The following TMEM223 variants were observed in gnomAD, a reference collection of about 807,000 sequenced individuals.
TMEM223 encodes the protein transmembrane protein 223.
A neutral mutation model predicts 14.1 loss-of-function variants in TMEM223; 14 were observed. The observed-to-expected ratio is 0.99, with a 90% CI of 0.66 to 1.55. The LOEUF is 1.55. Among genes scored for constraint, TMEM223 ranks in the 40% most tolerant of loss-of-function variants. The probability of loss-of-function intolerance (pLI) is 0.00; values close to 1 mark genes in which losing one functional copy is unlikely to be tolerated. For synonymous variants in TMEM223, 145 were observed against 120.5 expected (o/e 1.20, Z -1.33); for missense variants, 346 against 269.9 (o/e 1.28, Z -1.97).
At chr11:62,775,878 T>G (rs778767551) in intron 1 of TMEM223, 1 of 1,613,918 alleles carries the variant, frequency 6.2e-7, no homozygotes, top group Non-Finnish European at 8.5e-7. Flanking sequence ...AGCGATGAGG[T>G]GGCGGCGCTG....
chr11:62,790,465 A>G lies in TMEM223; in HGVS notation c.*158T>C, dbSNP rs954440053. ...TGTTTTTTTTTTTGTAAATAGAGAC[A>G]AGGTCTCGCTATGTTGCCCAGCCTG... On this transcript the variant is annotated 3_prime_UTR_variant, in exon 2 of 2. Transcript: ENST00000307366. 4.8e-6 allele frequency: 3 copies of G among 629,592 alleles called. No individual in the cohort carries two copies. The highest frequency in any genetic ancestry group is 7.9e-6 in the Non-Finnish European group (3 of 381,692). The allele number at this position is 629,592 out of a possible 1,614,324, so 39.0% of individuals were successfully genotyped here.
At chr11:62,777,959 C>T (rs1175236043) in intron 1 of TMEM223, 2 of 1,613,272 alleles carry the variant, frequency 1.2e-6, no homozygotes, top group African/African-American at 2.7e-5. Flanking sequence ...GGCTGCTCTC[C>T]AATTCCCTTT....
chr11:62,775,120 G>T (rs1477758888), intron 1 of TMEM223, among the ~76,000 whole-genome samples: 1 of 151,596 alleles, frequency 6.6e-6, no homozygotes, highest in Admixed American at 6.6e-5. Context: ...AGGTTTAACT[G>T]ACTCAATGCT....
downstream of TMEM223, among the ~76,000 whole-genome samples, chr11:62,785,062 C>G (rs2134724106): frequency 6.6e-6 from 1 of 152,154 alleles, no homozygotes; most frequent in South Asian, 2.1e-4. Context: ...AGGCTGGTCT[C>G]AAACTCCTTG....
chr11:62,777,165 A>C (rs2084193947), intron 1 of TMEM223, among the ~76,000 whole-genome samples: 1 of 151,682 alleles, frequency 6.6e-6, no homozygotes, highest in African/African-American at 2.4e-5. Flanking sequence ...AAACAACCAA[A>C]AAAACACAAA....
chr11:62,781,765 A>T, intron 1 of TMEM223: 2 of 801,648 alleles, frequency 2.5e-6, no homozygotes, highest in Non-Finnish European at 4.2e-6. Flanking sequence ...TAGAATTGCT[A>T]GATCAAAGAA....
In TMEM223 at chr11:62,791,959, CA is replaced by C. The variant is rs1227709814; in HGVS notation, c.35del (p.Leu12ArgfsTer2). 6.3e-7 allele frequency: 1 copy of C among 1,576,094 alleles called. No homozygotes were observed. Among genetic ancestry groups the C allele is most frequent in the South Asian group, 1.1e-5 (1 of 87,078 alleles). On this transcript the variant is annotated frameshift_variant, in exon 1 of 2. Coordinates refer to ENST00000307366, the MANE Select transcript of TMEM223 (RefSeq NM_001080501.3). LOFTEE classifies it high-confidence loss of function. ...AAPWRRWPTG[L>X]LAVLRPLLTC... Reference sequence around the variant, plus strand: ...TGAGCAGGGGCCGCAGCACGGCTAGCAGCCCCGTGGGCCATCGCCTCCAAGG... The same window carrying C: ...TGAGCAGGGGCCGCAGCACGGCTAGCGCCCCGTGGGCCATCGCCTCCAAGG...
At position 62,773,747 on chromosome 11, in the gene TMEM223, T is replaced by C. The variant is rs189382000; in HGVS notation, c.385+848A>G. ...AGAGGCGTGAGCCACTGGGTCCAGC[T>C]ACAAATTCTTACGACTGGTTTGGAG... is the stretch of plus-strand genomic sequence containing the variant. On this transcript the variant is annotated intron_variant, in intron 2 of 2. Transcript: ENST00000528367. Among the ~76,000 whole-genome samples the C allele has an allele frequency of 1.5e-3, 221 of 152,142 alleles. 6 individuals carry two copies. The highest frequency in any genetic ancestry group is 2.7e-3 in the Non-Finnish European group (183 of 67,986).
chr11:62,779,740 ACTGCAGCCT>A (rs1213292025), intron 1 of TMEM223, among the ~76,000 whole-genome samples: 4 of 151,420 alleles, frequency 2.6e-5, no homozygotes. Context: ...ATGTTGGCTC[ACTGCAGCCT>A]CTACCTCTTG....
chr11:62,781,680 T>G (rs1321124591), intron 1 of TMEM223: 11 of 279,784 alleles, frequency 3.9e-5, no homozygotes, highest in East Asian at 7.6e-5. Flanking sequence ...AAAAAAAAAG[T>G]TGGACATTCA....
At chr11:62,774,510 G>A (rs2134698151) in intron 2 of TMEM223, 1 of 449,672 alleles carries the variant, frequency 2.2e-6, no homozygotes, top group South Asian at 1.6e-5. Flanking sequence ...GAGGAGTAGT[G>A]GGGGCAATGC....
chr11:62,787,410 G>T, downstream of TMEM223: 1 of 1,555,238 alleles, frequency 6.4e-7, no homozygotes, highest in South Asian at 1.2e-5. Flanking sequence ...CTGCAGCGGC[G>T]CTTCCTGGTG....
At chr11:62,781,567 G>A (rs1001400844) in intron 1 of TMEM223, among the ~76,000 whole-genome samples, 24 of 151,218 alleles carry the variant, frequency 1.6e-4, no homozygotes, top group Admixed American at 1.1e-3. Flanking sequence ...CCAGCTACTC[G>A]GGAGGCTGAG....
intron 1 of TMEM223, among the ~76,000 whole-genome samples, chr11:62,779,775 C>T (rs886651990): frequency 5.3e-5 from 8 of 151,140 alleles, no homozygotes; most frequent in Non-Finnish European, 1.2e-4. Flanking sequence ...AAGCAATTCT[C>T]CCACCTCAGC....
At chr11:62,785,186 T>C (rs1423130562), downstream of TMEM223, among the ~76,000 whole-genome samples, 5 of 151,490 alleles carry the variant, frequency 3.3e-5, no homozygotes, top group Non-Finnish European at 7.4e-5. Context: ...TGGCATGGTA[T>C]TTTCTTTCCT....
downstream of TMEM223, chr11:62,787,596 G>A (rs189529908): frequency 7.6e-6 from 11 of 1,440,030 alleles, no homozygotes; most frequent in African/African-American, 1.4e-4. Flanking sequence ...GGCCACTTTC[G>A]CTTTCCGACC....
chr11:62,787,384 T>G, downstream of TMEM223: 1 of 1,553,654 alleles, frequency 6.4e-7, no homozygotes, highest in South Asian at 1.2e-5. Flanking sequence ...TAAGGTGGGC[T>G]TTGGGCGGGG....
chr11:62,787,606 C>T (rs2134735280), downstream of TMEM223: 3 of 1,432,196 alleles, frequency 2.1e-6, no homozygotes, highest in East Asian at 2.5e-5. Flanking sequence ...GCTTTCCGAC[C>T]GGGCTTGCTG....
chr11:62,789,637 TG>T, downstream of TMEM223: 1 of 1,551,020 alleles, frequency 6.4e-7, no homozygotes, highest in Non-Finnish European at 8.7e-7. Flanking sequence ...GGACACCCCC[TG>T]GAACTGCTCT....
Sources: allele counts gnomAD v4.1 joint callset (sites outside exome capture counted in the v4.1 genomes callset), GRCh38; gene constraint gnomAD v4.1.1; transcripts MANE v1.5; gene names NCBI Gene and HGNC (gene_info 2026-07-23, HGNC 2026-07-21).